The following MLPH variants were observed in gnomAD, a reference collection of about 807,000 sequenced individuals.
MLPH encodes melanophilin, also known as exophilin-3.
In MLPH, 51 loss-of-function variants were observed where a neutral mutation model predicts 72.1. That is an observed-to-expected ratio of 0.71 (90% CI 0.56 to 0.89). The LOEUF (loss-of-function observed/expected upper bound fraction) is 0.89, where lower values mean the gene tolerates loss of function less well. MLPH is among the 40% of genes least tolerant of loss of function. MLPH has a pLI of 0.00. For missense variants in MLPH, 743 were observed against 759.9 expected (o/e 0.98, Z 0.26); for synonymous variants, 301 against 310.1 (o/e 0.97, Z 0.31).
At chr2:237,538,908 C>T (rs1023208166) in intron 9 of MLPH, among the ~76,000 whole-genome samples, 3 of 152,214 alleles carry the variant, frequency 2.0e-5, no homozygotes, top group Non-Finnish European at 2.9e-5. Flanking sequence ...CCTCACTGAG[C>T]GTGGGATTTG....
chr2:237,539,686 T>C (rs928722024), intron 9 of MLPH, among the ~76,000 whole-genome samples: 1 of 152,100 alleles, frequency 6.6e-6, no homozygotes, highest in African/African-American at 2.4e-5. Flanking sequence ...TTTACAGAGA[T>C]TATTGAACTG....
intron 12 of MLPH, chr2:237,546,383 T>A (rs1412957541): frequency 3.5e-6 from 2 of 578,806 alleles, no homozygotes; most frequent in Admixed American, 3.0e-5. Context: ...TTTCACAATC[T>A]GAAATTCAAA....
intron 2 of MLPH, among the ~76,000 whole-genome samples, chr2:237,501,970 CT>C (rs1250555676): frequency 6.6e-6 from 1 of 152,146 alleles, no homozygotes; most frequent in Non-Finnish European, 1.5e-5. Context: ...TGTAAGATCT[CT>C]TTTCAGCTCT....
chr2:237,536,764 A>C (rs1574888017), intron 9 of MLPH, among the ~76,000 whole-genome samples: 2 of 151,030 alleles, frequency 1.3e-5, no homozygotes, highest in Non-Finnish European at 3.0e-5. Flanking sequence ...CTCCTTCCCC[A>C]CCCTGCTGAC....
At position 237,510,347 on chromosome 2, in the gene MLPH, C is replaced by A. The variant is rs2079863567; in HGVS notation, c.111-227C>A. On this transcript the variant is annotated intron_variant, in intron 2 of 15. Transcript: ENST00000264605. The surrounding 1 kb of genome is among the most constrained non-coding windows in gnomAD (Gnocchi z 4.4). The stretch of plus-strand genomic sequence containing the variant: ...TCATTTCTATGAAATTAACGTGTTT[C>A]CATTCCATTCCAGCCACCAAAATTG... 1.6e-6 allele frequency: 1 copy of A among 607,358 alleles called. No individual in the cohort carries two copies. The highest frequency in any genetic ancestry group is 3.0e-6 in the Non-Finnish European group (1 of 335,454). 37.6% of individuals were successfully genotyped at this position (607,358 alleles called of 1,614,324 possible).
rs2079735677 is a variant in MLPH, at chr2:237,505,037, C to T, written c.111-5537C>T. 6.6e-6 allele frequency among the ~76,000 whole-genome samples: 1 copy of T among 152,200 alleles called. No homozygotes were observed. The highest frequency in any genetic ancestry group is 2.1e-4 in the South Asian group (1 of 4,826). On this transcript the variant is annotated intron_variant, in intron 2 of 15. Coordinates refer to ENST00000264605, the MANE Select transcript of MLPH (RefSeq NM_024101.7). The surrounding 1 kb of genome is among the most constrained non-coding windows in gnomAD (Gnocchi z 4.5). ...TCCTGGCTCAGCTTCTCTTCCAGAG[C>T]TCCCCACAACCCCACCTCTGCTCCC...
chr2:237,517,724 A>G (rs2080076784), intron 4 of MLPH, among the ~76,000 whole-genome samples: 4 of 98,432 alleles, frequency 4.1e-5, no homozygotes, highest in South Asian at 3.3e-4. Context: ...TGGATAAGTA[A>G]GTGGGTGGAT....
Position 237,534,613 on chromosome 2 carries a change from A to G in MLPH, c.1070A>G (p.Tyr357Cys). ...TCAGCTGTGGAATGCCTGCTGACCT[A>G]CCTGGAGAACACAGTTGTGCCTCCC... ...HISAVECLLT[Y>C]LENTVVPPLA... is the part of the protein sequence containing the mutation. The change falls in exon 9 of 16, where the codon TAC becomes TGC. Residue 357 changes from tyrosine (Y) to cysteine (C), a missense_variant. By Grantham distance (194) the Tyr-to-Cys change is radical. Coordinates refer to ENST00000264605, the MANE Select transcript of MLPH (RefSeq NM_024101.7). The G allele has an allele frequency of 6.2e-7, 1 of 1,613,870 alleles. No homozygotes were observed. Among genetic ancestry groups the G allele is most frequent in the East Asian group, 2.2e-5 (1 of 44,866 alleles).
intron 2 of MLPH, among the ~76,000 whole-genome samples, chr2:237,495,613 G>C (rs1220679406): frequency 1.3e-5 from 2 of 152,210 alleles, no homozygotes; most frequent in African/African-American, 4.8e-5. Flanking sequence ...ACATGGAGCA[G>C]GAGGCGCTCG....
chr2:237,536,979 T>C (rs2080544301), intron 9 of MLPH, among the ~76,000 whole-genome samples: 2 of 152,218 alleles, frequency 1.3e-5, no homozygotes, highest in Admixed American at 1.3e-4. Context: ...ACATGGGACC[T>C]GCACTGCCCA....
At chr2:237,530,923 T>C (rs553946737) in intron 8 of MLPH, among the ~76,000 whole-genome samples, 11 of 152,362 alleles carry the variant, frequency 7.2e-5, no homozygotes, top group African/African-American at 2.4e-4. Flanking sequence ...CTCCACCACC[T>C]GCATTCGCAG....
chr2:237,518,681 A>G, intron 5 of MLPH, 33 bp downstream of exon 5: 1 of 1,540,136 alleles, frequency 6.5e-7, no homozygotes, highest in Non-Finnish European at 8.9e-7. Context: ...CTCCTCAGCC[A>G]CCTCGATTCC....
chr2:237,534,308 G>A lies in MLPH; in HGVS notation c.1021-256G>A, dbSNP rs77180399. On this transcript the variant is annotated intron_variant, in intron 8 of 15. Coordinates refer to ENST00000264605, the MANE Select transcript of MLPH (RefSeq NM_024101.7). ...TTCAGCTCCTTGTCCTGCTGGACTC[G>A]GCTCCTCTCCTCCACTTTCACCCTC... Among the ~76,000 whole-genome samples, 15,044 of 152,132 alleles carry A rather than the reference G, an allele frequency of 0.099. 934 individuals are homozygous for A. Among genetic ancestry groups the A allele is most frequent in the Non-Finnish European group, 0.14 (9,796 of 67,986 alleles).
At chr2:237,546,974 G>A (rs1465155511) in intron 13 of MLPH, among the ~76,000 whole-genome samples, 1 of 152,252 alleles carries the variant, frequency 6.6e-6, no homozygotes, top group East Asian at 1.9e-4. Context: ...CATCTGACAT[G>A]AAGCAAACCC....
At position 237,510,349 on chromosome 2, in the gene MLPH, A is replaced by G; in HGVS notation, c.111-225A>G. On this transcript the variant is annotated intron_variant, in intron 2 of 15. Coordinates refer to ENST00000264605, the MANE Select transcript of MLPH (RefSeq NM_024101.7). This position sits in a 1 kb window ranked among gnomAD's most constrained non-coding sequence, Gnocchi z 4.4. ...ATTTCTATGAAATTAACGTGTTTCC[A>G]TTCCATTCCAGCCACCAAAATTGCC... 1.6e-6 allele frequency: 1 copy of G among 611,270 alleles called. No individual in the cohort carries two copies. Among genetic ancestry groups the G allele is most frequent in the Non-Finnish European group, 3.0e-6 (1 of 337,448 alleles). 37.9% of individuals were successfully genotyped at this position (611,270 alleles called of 1,614,324 possible).
intron 8 of MLPH, 102 bp from the exon 9 acceptor site, chr2:237,534,462 C>A (rs1226871745): frequency 2.1e-6 from 2 of 964,218 alleles, no homozygotes; most frequent in Non-Finnish European, 3.4e-6. Flanking sequence ...GCTCTCCTTC[C>A]GCTTCTTGGG....
rs775949577 is a variant in MLPH, at chr2:237,542,676, G to C, written c.1539+17G>C. 21 of 1,542,606 alleles carry C rather than the reference G, an allele frequency of 1.4e-5. No homozygotes were observed. The highest frequency in any genetic ancestry group is 2.0e-4 in the Middle Eastern group (1 of 4,882). On this transcript the variant is annotated intron_variant, in intron 12 of 15. Transcript: ENST00000264605. ...AACCTCCCGGTGAGTGGGGGGCAGTGGTGAGTGGAGACAGTGCTGAGTGGG... is the reference window on the plus strand; with the variant it reads ...AACCTCCCGGTGAGTGGGGGGCAGTCGTGAGTGGAGACAGTGCTGAGTGGG...
At position 237,493,614 on chromosome 2, in the gene MLPH, G is replaced by A. The variant is rs915224032; in HGVS notation, c.110+78G>A. The A allele has an allele frequency of 5.4e-6, 6 of 1,107,110 alleles. No individual in the cohort carries two copies. The African/African-American group carries it at 9.2e-5, about 17-fold the overall frequency. The allele number at this position is 1,107,110 out of a possible 1,614,324, so 68.6% of individuals were successfully genotyped here. On this transcript the variant is annotated intron_variant, in intron 2 of 15. Coordinates refer to ENST00000264605, the MANE Select transcript of MLPH (RefSeq NM_024101.7). ...GGGCCATCATATGGGTGCTGTCTGGGTGGGTCAACAGCCACGTGCAGGGTG... is the reference window on the plus strand; with the variant it reads ...GGGCCATCATATGGGTGCTGTCTGGATGGGTCAACAGCCACGTGCAGGGTG...
At chr2:237,516,382 T>TG (rs2080018276) in intron 4 of MLPH, among the ~76,000 whole-genome samples, 1 of 152,178 alleles carries the variant, frequency 6.6e-6, no homozygotes, top group African/African-American at 2.4e-5. Flanking sequence ...GAAGGAGCCC[T>TG]GGGGGGCAGA....
Sources: gnomAD v4.1 joint callset for allele counts (sites outside exome capture counted in the v4.1 genomes callset) on GRCh38, gnomAD v4.1.1 for gene constraint, Gnocchi (gnomAD v3.1) non-coding constraint, MANE v1.5 for transcripts, NCBI Gene and HGNC (gene_info 2026-07-23, HGNC 2026-07-21) for gene names.